The following SUPT3H variants were observed in gnomAD, a reference collection of about 807,000 sequenced individuals.
SUPT3H encodes SPT3 homolog, SAGA and STAGA complex component.
SUPT3H carries 44 observed loss-of-function variants against 44.3 expected under a neutral mutation model. The ratio of observed to expected loss-of-function variants is 0.99; its 90% CI spans 0.78 to 1.28. The LOEUF is 1.28. SUPT3H is among the 50% of genes most tolerant of loss of function. SUPT3H has a pLI of 0.00. For synonymous variants in SUPT3H, 124 were observed against 125.6 expected, an observed-to-expected ratio of 0.99 and a Z score of 0.09; for missense variants, 380 against 387.1, an observed-to-expected ratio of 0.98 and a Z score of 0.15.
At chr6:45,281,145 G>A (rs1234897789) in intron 2 of SUPT3H, among the ~76,000 whole-genome samples, 1 of 152,216 alleles carries the variant, frequency 6.6e-6, no homozygotes, top group Admixed American at 6.5e-5. Context: ...AACAGCTCCA[G>A]TCTACAGCTC....
chr6:45,330,143 T>C (rs1787163952), intron 2 of SUPT3H, among the ~76,000 whole-genome samples: 1 of 151,906 alleles, frequency 6.6e-6, no homozygotes. Flanking sequence ...ATTGCTTTAG[T>C]GACTCCCTCA....
chr6:45,369,895 C>G (rs142162695), intron 1 of SUPT3H, among the ~76,000 whole-genome samples: 1 of 152,246 alleles, frequency 6.6e-6, no homozygotes, highest in South Asian at 2.1e-4. Flanking sequence ...CTCTGGAGAA[C>G]TTCCCAACAG....
chr6:45,178,824 A>G (rs1437626696), intron 2 of SUPT3H, among the ~76,000 whole-genome samples: 2 of 152,146 alleles, frequency 1.3e-5, no homozygotes, highest in African/African-American at 2.4e-5. Context: ...TACTGGGTAC[A>G]TAACGAAATG....
intron 2 of SUPT3H, among the ~76,000 whole-genome samples, chr6:45,244,043 G>A (rs906549050): frequency 1.3e-5 from 2 of 151,996 alleles, no homozygotes. Context: ...CACCACACCT[G>A]GCTAATTTTT....
At chr6:44,919,958 G>A (rs1768407051) in intron 10 of SUPT3H, among the ~76,000 whole-genome samples, 1 of 151,626 alleles carries the variant, frequency 6.6e-6, no homozygotes, top group Non-Finnish European at 1.5e-5. Flanking sequence ...AGCTCACCAC[G>A]ACCTCCGCCT....
At chr6:45,243,184 C>T (rs113783949) in intron 2 of SUPT3H, among the ~76,000 whole-genome samples, 30 of 100,770 alleles carry the variant, frequency 3.0e-4, no homozygotes, top group African/African-American at 1.1e-3. Context: ...GGAAACAGAG[C>T]GAGACTCCTT....
At chr6:45,183,027 T>C (rs1457916043) in intron 2 of SUPT3H, among the ~76,000 whole-genome samples, 1 of 152,204 alleles carries the variant, frequency 6.6e-6, no homozygotes, top group Non-Finnish European at 1.5e-5. Context: ...ATATCAATGT[T>C]CACTGCAGCA....
intron 3 of SUPT3H, among the ~76,000 whole-genome samples, chr6:45,038,203 C>T (rs1238852636): frequency 5.3e-5 from 8 of 152,142 alleles, no homozygotes; most frequent in Non-Finnish European, 1.0e-4. Context: ...TTTACTTATG[C>T]TATGAATAGT....
chr6:45,118,263 A>C (rs2153577785), intron 2 of SUPT3H, among the ~76,000 whole-genome samples: 1 of 152,264 alleles, frequency 6.6e-6, no homozygotes, highest in African/African-American at 2.4e-5. Context: ...TGAAAATATT[A>C]GTGAAAACAT....
chr6:45,043,134 T>TAC (rs773611251), intron 3 of SUPT3H, among the ~76,000 whole-genome samples: 10 of 50,488 alleles, frequency 2.0e-4, no homozygotes, highest in African/African-American at 7.8e-4. Context: ...GTATCTTACA[T>TAC]ACACACATAC....
At chr6:45,328,305 C>G (rs752481856) in intron 2 of SUPT3H, 1 of 1,367,736 alleles carries the variant, frequency 7.3e-7, no homozygotes, top group African/African-American at 1.5e-5. Flanking sequence ...AAAGCTTTTG[C>G]TTTTTTGGAT....
At chr6:44,969,105 T>G (rs1777192435) in intron 6 of SUPT3H, among the ~76,000 whole-genome samples, 1 of 152,184 alleles carries the variant, frequency 6.6e-6, no homozygotes, top group Admixed American at 6.5e-5. Flanking sequence ...GATTTCTCTC[T>G]TCTGAAATTA....
chr6:45,308,842 T>A (rs1783522506), intron 2 of SUPT3H, among the ~76,000 whole-genome samples: 1 of 151,954 alleles, frequency 6.6e-6, no homozygotes, highest in South Asian at 2.1e-4. Context: ...CAAATTTTTG[T>A]TTTTCCTGAG....
intron 10 of SUPT3H, among the ~76,000 whole-genome samples, chr6:44,896,354 G>C (rs1281212452): frequency 6.6e-6 from 1 of 152,108 alleles, no homozygotes; most frequent in African/African-American, 2.4e-5. Flanking sequence ...CGCAAGTAAT[G>C]TTCTAAGGAC....
At chr6:45,015,795 G>GCACACACACA (rs111999224) in intron 4 of SUPT3H, among the ~76,000 whole-genome samples, 4 of 149,540 alleles carry the variant, frequency 2.7e-5, no homozygotes, top group African/African-American at 9.9e-5. Context: ...ACACACGCGC[G>GCACACACACA]CGCACACACA....
At chr6:45,227,853 C>T (rs1767221620) in intron 2 of SUPT3H, among the ~76,000 whole-genome samples, 2 of 152,084 alleles carry the variant, frequency 1.3e-5, no homozygotes, top group South Asian at 4.2e-4. Flanking sequence ...GGCAATATAG[C>T]TAATGTTTTC....
chr6:44,849,451 T>C (rs1217375459), intron 10 of SUPT3H, among the ~76,000 whole-genome samples: 1 of 151,722 alleles, frequency 6.6e-6, no homozygotes, highest in Admixed American at 6.6e-5. Context: ...ATGGTCTCGA[T>C]CTCCTGACCT....
intron 2 of SUPT3H, among the ~76,000 whole-genome samples, chr6:45,287,879 C>T (rs555172377): frequency 6.6e-6 from 1 of 152,276 alleles, no homozygotes; most frequent in African/African-American, 2.4e-5. Context: ...CTTAAAGCAA[C>T]TTACCACACT....
At chr6:45,020,323 G>C (rs1206737514) in intron 4 of SUPT3H, among the ~76,000 whole-genome samples, 2 of 151,946 alleles carry the variant, frequency 1.3e-5, no homozygotes, top group African/African-American at 4.8e-5. Context: ...GGATAAGTGA[G>C]GGTTCGCTGT....
Sources: gnomAD v4.1 joint callset for allele counts (sites outside exome capture counted in the v4.1 genomes callset) on GRCh38, gnomAD v4.1.1 for gene constraint, MANE v1.5 for transcripts, NCBI Gene and HGNC (gene_info 2026-07-23, HGNC 2026-07-21) for gene names.